SHROOM2: variants seen among roughly 807,000 people sequenced by gnomAD.
The protein encoded by SHROOM2 is shroom family member 2, also known as protein Shroom2.
Under a neutral mutation model 75.9 loss-of-function variants are expected in SHROOM2, and 33 were observed. The observed-to-expected ratio is 0.43, with a 90% CI of 0.33 to 0.58. The LOEUF is 0.58. Among genes scored for constraint, SHROOM2 ranks in the 20% least tolerant of loss-of-function variants. The pLI is 0.04. For synonymous variants in SHROOM2, 655 were observed against 663.6 expected (o/e 0.99, Z 0.20); for missense variants, 1,434 against 1,461.2 (o/e 0.98, Z 0.30).
rs1458767881 is a variant in SHROOM2 at position 9,787,336 on chromosome X, T to TG, written c.165+627dup. On this transcript the variant is annotated intron_variant, in intron 1 of 9. Coordinates refer to ENST00000380913, the MANE Select transcript of SHROOM2 (RefSeq NM_001649.4). ...AATTCCAGATGTATCTCATCAGGAA[T>TG]GTTGTGTGTGTGTGTGTGGTTTGCT... Among the ~76,000 whole-genome samples, 533 of 69,394 alleles carry TG rather than the reference T, an allele frequency of 7.7e-3. 2 individuals are homozygous for TG. Among genetic ancestry groups the TG allele is most frequent in the African/African-American group, 0.022 (503 of 22,840 alleles). 60.3% of individuals were successfully genotyped at this position (69,394 alleles called of 115,157 possible). A position where few individuals can be genotyped will look rare whatever the true frequency, so the allele number is the denominator to read the frequency against.
chrX:9,854,831 G>A (rs185196732), intron 1 of SHROOM2, among the ~76,000 whole-genome samples: 122 of 110,432 alleles, frequency 1.1e-3, no homozygotes, highest in African/African-American at 3.9e-3. Flanking sequence ...AGAAACACGG[G>A]AGTTGGGCCT....
At position 9,797,988 on chromosome X, in the gene SHROOM2, C is replaced by T. The variant is rs2083704248; in HGVS notation, c.165+11278C>T. Among the ~76,000 whole-genome samples the T allele has an allele frequency of 2.7e-5, 3 of 111,771 alleles. No homozygotes were observed. The Admixed American group carries it at 2.9e-4, about 11-fold the overall frequency. On this transcript the variant is annotated intron_variant, in intron 1 of 9. Coordinates refer to ENST00000380913, the MANE Select transcript of SHROOM2 (RefSeq NM_001649.4). ...ATTAATTAATTATAGTTCTGTATGG[C>T]AGACTTTTTTCCCCCTGGTAGTAGC...
chrX:9,809,136 T>C (rs1250722349), intron 1 of SHROOM2, among the ~76,000 whole-genome samples: 5 of 101,468 alleles, frequency 4.9e-5, no homozygotes, highest in African/African-American at 1.4e-4. Flanking sequence ...ATAGGAAATA[T>C]ATATGAAGAG....
chrX:9,791,021 C>G (rs769161219), intron 1 of SHROOM2, among the ~76,000 whole-genome samples: 1 of 110,845 alleles, frequency 9.0e-6, no homozygotes, highest in South Asian at 3.9e-4. Context: ...CCAGAGCCTT[C>G]TGCGATTATG....
chrX:9,855,137 C>G (rs1381318784), intron 1 of SHROOM2, among the ~76,000 whole-genome samples: 1 of 106,240 alleles, frequency 9.4e-6, no homozygotes, highest in Non-Finnish European at 1.9e-5. Flanking sequence ...ACATCACACA[C>G]CAGGGCCTGT....
intron 1 of SHROOM2, among the ~76,000 whole-genome samples, chrX:9,822,363 G>A (rs987626647): frequency 8.9e-6 from 1 of 111,980 alleles, no homozygotes; most frequent in Non-Finnish European, 1.9e-5. Context: ...CCAGGGCAGT[G>A]GGAGCCATGG....
intron 2 of SHROOM2, among the ~76,000 whole-genome samples, chrX:9,881,735 C>A (rs2084232561): frequency 8.9e-6 from 1 of 112,307 alleles, no homozygotes. Context: ...CTCTGCCTCC[C>A]CGATTTTGCC....
chrX:9,840,280 ATTTTC>A (rs781266891), intron 1 of SHROOM2, among the ~76,000 whole-genome samples: 1 of 111,507 alleles, frequency 9.0e-6, no homozygotes, highest in Non-Finnish European at 1.9e-5. Flanking sequence ...ATCTGTTGCT[ATTTTC>A]TTTTCTTTTT....
At chrX:9,823,056 CCT>C (rs2083864078) in intron 1 of SHROOM2, among the ~76,000 whole-genome samples, 3 of 87,384 alleles carry the variant, frequency 3.4e-5, no homozygotes, top group African/African-American at 8.4e-5. Flanking sequence ...TCCTCCTCCT[CCT>C]CCTCCTCCTC....
rs2084705415 is a variant in SHROOM2 at position 9,936,303 on chromosome X, G to C, written c.3588-831G>C. On this transcript the variant is annotated intron_variant, in intron 6 of 9. Coordinates refer to ENST00000380913, the MANE Select transcript of SHROOM2 (RefSeq NM_001649.4). The stretch of plus-strand genomic sequence containing the variant: ...ATTTTTGTATTTTTAGTAGAGACAG[G>C]GTTTCTCCATGTTAGCCAGGTGGGT... 2.7e-5 allele frequency among the ~76,000 whole-genome samples: 3 copies of C among 109,696 alleles called. No individual in the cohort carries two copies. The South Asian group carries it at 1.2e-3, about 43-fold the overall frequency.
chrX:9,838,824 A>G (rs146335114), intron 1 of SHROOM2, among the ~76,000 whole-genome samples: 1 of 111,889 alleles, frequency 8.9e-6, no homozygotes, highest in Non-Finnish European at 1.9e-5. Context: ...GAAACCATCC[A>G]CTGGGATGCA....
chrX:9,895,504 A>G lies in SHROOM2; in HGVS notation c.1596A>G (p.Thr532=), dbSNP rs1286926638. 13 of 1,203,567 alleles carry G rather than the reference A, an allele frequency of 1.1e-5. No homozygotes were observed. Among genetic ancestry groups the G allele is most frequent in the Non-Finnish European group, 1.3e-5 (12 of 892,381 alleles). The change falls in exon 4 of 10, where the codon ACA becomes ACG. Residue 532 remains threonine (T), a synonymous_variant. Transcript: ENST00000380913. The stretch of plus-strand genomic sequence containing the variant: ...AGGGTCCTCCGGATGCCCGCGAGAC[A>G]GGACGGTGTTACCCGCTGGACAAAG... ...QPEGPPDARE[T]GRCYPLDKGA...
chrX:9,849,812 C>G (rs1278560319), intron 1 of SHROOM2, among the ~76,000 whole-genome samples: 1 of 112,028 alleles, frequency 8.9e-6, no homozygotes, highest in Non-Finnish European at 1.9e-5. Flanking sequence ...ATAACACCAG[C>G]AGACAAGATA....
chrX:9,927,881 G>A (rs1043580618), intron 5 of SHROOM2, among the ~76,000 whole-genome samples: 1 of 111,184 alleles, frequency 9.0e-6, no homozygotes, highest in Non-Finnish European at 1.9e-5. Flanking sequence ...CAGGACTGGG[G>A]GAGCTGAGGG....
chrX:9,819,305 A>T, intron 1 of SHROOM2: 4 of 554,099 alleles, frequency 7.2e-6, no homozygotes, highest in Non-Finnish European at 1.2e-5. Context: ...TCCCACCAAA[A>T]TACTTGGTGG....
At chrX:9,846,530 C>T (rs1028839363) in intron 1 of SHROOM2, among the ~76,000 whole-genome samples, 4 of 111,427 alleles carry the variant, frequency 3.6e-5, no homozygotes, top group Non-Finnish European at 7.5e-5. Flanking sequence ...CTCCTGACCT[C>T]GTGATCCGCC....
intron 1 of SHROOM2, among the ~76,000 whole-genome samples, chrX:9,794,666 A>G (rs1000997278): frequency 8.9e-6 from 1 of 112,072 alleles, no homozygotes; most frequent in African/African-American, 3.2e-5. Flanking sequence ...CACCGCGCCC[A>G]GCCATAAACT....
At chrX:9,943,950 G>A (rs190144127) in intron 8 of SHROOM2, among the ~76,000 whole-genome samples, 1 of 110,823 alleles carries the variant, frequency 9.0e-6, no homozygotes, top group African/African-American at 3.3e-5. Context: ...GGGAGGCCAA[G>A]GCGGGTGGAT....
chrX:9,828,659 C>G (rs1183162346), intron 1 of SHROOM2, among the ~76,000 whole-genome samples: 1 of 110,370 alleles, frequency 9.1e-6, no homozygotes, highest in African/African-American at 3.3e-5. Flanking sequence ...GAGATGGGGT[C>G]TCACTATGTT....
Sources: gnomAD v4.1 joint callset for allele counts (sites outside exome capture counted in the v4.1 genomes callset) on GRCh38, gnomAD v4.1.1 for gene constraint, MANE v1.5 for transcripts, NCBI Gene and HGNC (gene_info 2026-07-23, HGNC 2026-07-21) for gene names.